Variants in NPHS2 observed in about 807,000 individuals in gnomAD.
NPHS2 encodes the protein NPHS2 stomatin family member, podocin, also known as podocin.
Under a neutral mutation model 37.1 loss-of-function variants are expected in NPHS2, and 36 were observed. That is an observed-to-expected ratio of 0.97 (90% CI 0.74 to 1.28). NPHS2 has a LOEUF of 1.28. Ranked by LOEUF, NPHS2 falls within the 50% of genes most tolerant of loss-of-function variation. The probability of loss-of-function intolerance (pLI) is 0.00; values close to 1 mark genes in which losing one functional copy is unlikely to be tolerated. For missense variants in NPHS2, 447 were observed against 488.1 expected (o/e 0.92, Z 0.79); for synonymous variants, 196 against 189.3 (o/e 1.04, Z -0.29).
Position 179,557,171 on chromosome 1 carries a change from T to C in NPHS2, c.594A>G (p.Glu198=), listed in dbSNP as rs1481706371. The stretch of plus-strand genomic sequence containing the variant: ...GACTGCTTAGGAGAAGAGAGGCATT[T>C]TCCATTCGGTAGTAGCAAATGGCAT... ...EIDAICYYRM[E]NASLLLSSLA... The change falls in exon 5 of 8, where the codon GAA becomes GAG. Residue 198 remains glutamate, a synonymous_variant. Coordinates refer to ENST00000367615, the MANE Select transcript of NPHS2 (RefSeq NM_014625.4). 1.2e-6 allele frequency: 2 copies of C among 1,613,948 alleles called. No homozygotes were observed. Among genetic ancestry groups the C allele is most frequent in the African/African-American group, 2.7e-5 (2 of 74,912 alleles).
chr1:179,559,066 G>C (rs1674040831), intron 4 of NPHS2, among the ~76,000 whole-genome samples: 1 of 152,104 alleles, frequency 6.6e-6, no homozygotes, highest in Non-Finnish European at 1.5e-5. Context: ...TAAAGAATTG[G>C]CTCATGTGCT....
At chr1:179,567,178 T>C (rs1292966749) in intron 1 of NPHS2, among the ~76,000 whole-genome samples, 1 of 152,214 alleles carries the variant, frequency 6.6e-6, no homozygotes, top group East Asian at 1.9e-4. Context: ...TTTCATGATA[T>C]TGATTCTTCC....
At chr1:179,552,423 G>A in intron 7 of NPHS2, 180 bp downstream of exon 7, 1 of 642,222 alleles carries the variant, frequency 1.6e-6, no homozygotes, top group South Asian at 1.7e-5. Flanking sequence ...AGGGAGAGGA[G>A]TTGCATTAGT....
intron 3 of NPHS2, 60 bp downstream of exon 3, chr1:179,561,229 G>T: frequency 1.7e-6 from 2 of 1,157,072 alleles, no homozygotes; most frequent in Non-Finnish European, 2.6e-6. Context: ...AATCTGCATG[G>T]GTTGAAGAAA....
intron 2 of NPHS2, among the ~76,000 whole-genome samples, chr1:179,563,719 G>T (rs1299729486): frequency 1.3e-5 from 2 of 152,110 alleles, no homozygotes; most frequent in Non-Finnish European, 2.9e-5. Flanking sequence ...TAACCAATGG[G>T]TTAAAGAAGA....
In NPHS2 at chr1:179,551,259, T is replaced by G. The variant is rs773755270; in HGVS notation, c.1066A>C (p.Arg356=). ...LLNCLSSPSN[R]TQGSLPFPSP... is the part of the protein sequence containing the mutation. ...GGGAAGGGGAGGCTTCCCTGAGTTC[T>G]GTTGCTGGGAGAAGACAGGCAATTC... The change falls in exon 8 of 8, where the codon AGA becomes CGA. Residue 356 remains arginine, a synonymous_variant. Coordinates refer to ENST00000367615, the MANE Select transcript of NPHS2 (RefSeq NM_014625.4). 6.2e-7 allele frequency: 1 copy of G among 1,614,002 alleles called. No homozygotes were observed. Among genetic ancestry groups the G allele is most frequent in the African/African-American group, 1.3e-5 (1 of 74,920 alleles).
rs75999399 is a variant in NPHS2 at position 179,562,941 on chromosome 1, A to G, written c.379-1580T>C. 9.9e-3 allele frequency among the ~76,000 whole-genome samples: 1,505 copies of G among 152,292 alleles called. 21 individuals carry two copies. The highest frequency in any genetic ancestry group is 0.035 in the African/African-American group (1,442 of 41,572). On this transcript the variant is annotated intron_variant, in intron 2 of 7. Transcript: ENST00000367615. ...CTCCCTAATTGGCTTCTTAGGGCTT[A>G]CCATCTTAAGTGACCAGATCTGAGA...
intron 4 of NPHS2, among the ~76,000 whole-genome samples, chr1:179,558,876 A>G (rs1257426672): frequency 6.6e-6 from 1 of 152,166 alleles, no homozygotes; most frequent in African/African-American, 2.4e-5. Flanking sequence ...GCCCATTTAT[A>G]TATCTTCATC....
intron 5 of NPHS2, among the ~76,000 whole-genome samples, chr1:179,555,274 G>A (rs895162894): frequency 1.3e-5 from 2 of 152,220 alleles, no homozygotes; most frequent in Admixed American, 1.3e-4. Context: ...AATGCACTGA[G>A]TTGAGAACCA....
chr1:179,574,312 C>T lies in NPHS2; in HGVS notation c.274+1279G>A, dbSNP rs541735936. 5.3e-5 allele frequency among the ~76,000 whole-genome samples: 8 copies of T among 152,190 alleles called. No homozygotes were observed. The South Asian group carries it at 6.2e-4, about 12-fold the overall frequency. Reference sequence around the variant, plus strand: ...TTGGCTTCTCTACTTCCCAGCTACACGACTTGGGCATGTTACTTAATTTCT... The same window carrying T: ...TTGGCTTCTCTACTTCCCAGCTACATGACTTGGGCATGTTACTTAATTTCT... On this transcript the variant is annotated intron_variant, in intron 1 of 7. Coordinates refer to ENST00000367615, the MANE Select transcript of NPHS2 (RefSeq NM_014625.4).
intron 2 of NPHS2, among the ~76,000 whole-genome samples, chr1:179,562,389 C>A (rs1018155087): frequency 2.0e-5 from 3 of 152,048 alleles, no homozygotes; most frequent in African/African-American, 7.2e-5. Context: ...CTTGATGATA[C>A]GGAATTAATC....
intron 2 of NPHS2, among the ~76,000 whole-genome samples, chr1:179,562,540 A>G (rs1674185596): frequency 6.6e-6 from 1 of 152,226 alleles, no homozygotes; most frequent in African/African-American, 2.4e-5. Flanking sequence ...AAAAGCTCCA[A>G]TGAATAATAA....
chr1:179,557,020 T>TA lies in NPHS2; in HGVS notation c.738+6dup, dbSNP rs954421578. The TA allele has an allele frequency of 3.7e-6, 6 of 1,608,578 alleles. No homozygotes were observed. The African/African-American group carries it at 6.7e-5, about 18-fold the overall frequency. On this transcript the variant is annotated splice_region_variant and intron_variant, in intron 5 of 7. Coordinates refer to ENST00000367615, the MANE Select transcript of NPHS2 (RefSeq NM_014625.4). Reference sequence around the variant, plus strand: ...CAGCATATTGGCCATTATGTTTATCTAAGTACCTTTGCATCTTGGGCGATG... The same window carrying TA: ...CAGCATATTGGCCATTATGTTTATCTAAAGTACCTTTGCATCTTGGGCGATG...
At chr1:179,553,234 T>C (rs140484886) in intron 6 of NPHS2, among the ~76,000 whole-genome samples, 4 of 152,360 alleles carry the variant, frequency 2.6e-5, no homozygotes, top group Admixed American at 2.0e-4. Flanking sequence ...AGTTACCATG[T>C]GACCTAGTAA....
At position 179,575,795 on chromosome 1, in the gene NPHS2, TCTC is replaced by T. The variant is rs1398961188; in HGVS notation, c.67_69del (p.Glu23del). The T allele has an allele frequency of 3.3e-6, 5 of 1,492,862 alleles. No individual in the cohort carries two copies. Among genetic ancestry groups the T allele is most frequent in the African/African-American group, 1.5e-5 (1 of 68,840 alleles). 92.5% of individuals were successfully genotyped at this position (1,492,862 alleles called of 1,614,324 possible). A position where few individuals can be genotyped will look rare whatever the true frequency, so the allele number is the denominator to read the frequency against. ...CTCCTCTCGGCCTTTGCCCTCTTGT[TCTC>T]CTTGTGCGGAGTCCTGCCGCCTCGC... On this transcript the variant is annotated inframe_deletion, in exon 1 of 8. Coordinates refer to ENST00000367615, the MANE Select transcript of NPHS2 (RefSeq NM_014625.4).
chr1:179,570,594 G>A (rs1190835298), intron 1 of NPHS2, among the ~76,000 whole-genome samples: 1 of 152,156 alleles, frequency 6.6e-6, no homozygotes, highest in Non-Finnish European at 1.5e-5. Context: ...TCCAGCTTGG[G>A]CGTTAGGGCC....
At chr1:179,557,335 A>G in intron 4 of NPHS2, 105 bp from the exon 5 acceptor site, 1 of 877,306 alleles carries the variant, frequency 1.1e-6, no homozygotes, top group South Asian at 1.4e-5. Flanking sequence ...CCGCAAGAGA[A>G]AAATGGAGTT....
intron 1 of NPHS2, among the ~76,000 whole-genome samples, chr1:179,569,870 C>T (rs540050146): frequency 1.3e-5 from 2 of 152,186 alleles, no homozygotes; most frequent in South Asian, 4.2e-4. Context: ...GAATGTAGGC[C>T]CCCACTCTCT....
intron 3 of NPHS2, 122 bp from the exon 4 acceptor site, chr1:179,559,883 G>A (rs1485442405): frequency 1.5e-6 from 1 of 646,616 alleles, no homozygotes; most frequent in Non-Finnish European, 2.9e-6. Context: ...ACAGACCATT[G>A]GCCCATCCCA....
Sources: gnomAD v4.1 joint callset for allele counts (sites outside exome capture counted in the v4.1 genomes callset) on GRCh38, gnomAD v4.1.1 for gene constraint, MANE v1.5 for transcripts, NCBI Gene and HGNC (gene_info 2026-07-23, HGNC 2026-07-21) for gene names.